Variants in XRCC5 observed in about 807,000 individuals in gnomAD.
The protein encoded by XRCC5 is DNA repair protein Ku80.
Under a neutral mutation model 95.7 loss-of-function variants are expected in XRCC5, and 12 were observed. The observed-to-expected ratio is 0.13, with a 90% CI of 0.08 to 0.20. The LOEUF is 0.20. XRCC5 is among the 10% of genes least tolerant of loss of function. The pLI is 1.00. For synonymous variants in XRCC5, 281 were observed against 290.3 expected, an observed-to-expected ratio of 0.97 and a Z score of 0.33; for missense variants, 595 against 873.9, an observed-to-expected ratio of 0.68 and a Z score of 4.02.
chr2:216,200,481 ATATT>A (rs1032942600), intron 19 of XRCC5, among the ~76,000 whole-genome samples: 1 of 152,186 alleles, frequency 6.6e-6, no homozygotes, highest in Non-Finnish European at 1.5e-5. Context: ...GTGTTACCCA[ATATT>A]TATTTAAGGC....
intron 8 of XRCC5, 150 bp downstream of exon 8, chr2:216,127,824 C>T: frequency 1.2e-6 from 1 of 841,830 alleles, no homozygotes; most frequent in African/African-American, 1.7e-5. Flanking sequence ...GACCCTAGGT[C>T]CTTTAGCTCA....
At position 216,130,914 on chromosome 2, in the gene XRCC5, T is replaced by G; in HGVS notation, c.977T>G (p.Val326Gly). ...AGTGATATAGTTCCTTTCTCTAAAG[T>G]GGATGAGGAACAAATGAAATATAAA... ...YGSDIVPFSK[V>G]DEEQMKYKSE... is the part of the protein sequence containing the mutation. The change falls in exon 9 of 21, where the codon GTG (valine) becomes GGG (glycine). Residue 326 changes from valine to glycine, a missense_variant. Around this residue, in one of 2 missense-constraint regions of XRCC5, gnomAD observed 286 missense variants for 491.1 expected, o/e 0.58. Transcript: ENST00000392132. The G allele has an allele frequency of 6.2e-7, 1 of 1,613,330 alleles. No homozygotes were observed. Among genetic ancestry groups the G allele is most frequent in the Non-Finnish European group, 8.5e-7 (1 of 1,179,772 alleles).
intron 16 of XRCC5, among the ~76,000 whole-genome samples, chr2:216,187,821 A>ACACTCTCTCT (rs1312215177): frequency 6.3e-5 from 3 of 47,950 alleles, no homozygotes; most frequent in African/African-American, 1.0e-4. Context: ...ACACACACAC[A>ACACTCTCTCT]CTCTCTCTCT....
chr2:216,176,796 A>G (rs1429749965), intron 16 of XRCC5, among the ~76,000 whole-genome samples: 2 of 152,184 alleles, frequency 1.3e-5, no homozygotes, highest in African/African-American at 4.8e-5. Flanking sequence ...GTGGAAGCTT[A>G]GATGATTGAT....
chr2:216,109,636 T>C (rs573017111), intron 1 of XRCC5, among the ~76,000 whole-genome samples, 179 bp downstream of exon 1: 2 of 152,168 alleles, frequency 1.3e-5, no homozygotes, highest in East Asian at 3.9e-4. Flanking sequence ...AGCTGGAGAT[T>C]TGGGGCTCCA....
At chr2:216,160,188 C>A in intron 15 of XRCC5, 27 bp downstream of exon 15, 1 of 1,516,014 alleles carries the variant, frequency 6.6e-7, no homozygotes, top group Non-Finnish European at 9.0e-7. Flanking sequence ...AAGTGCGCTT[C>A]CCCCTTTGCA....
At chr2:216,133,538 T>C (rs1345607422) in intron 10 of XRCC5, among the ~76,000 whole-genome samples, 1 of 152,338 alleles carries the variant, frequency 6.6e-6, no homozygotes, top group East Asian at 1.9e-4. Flanking sequence ...GATCACTTCA[T>C]GAGACTTGCT....
Position 216,156,353 on chromosome 2 carries a change from C to T in XRCC5, c.1671-3715C>T, listed in dbSNP as rs1574469927. The T allele has an allele frequency of 2.6e-5, 18 of 698,886 alleles. No individual in the cohort carries two copies. The East Asian group carries it at 5.2e-4, about 20-fold the overall frequency. 43.3% of individuals were successfully genotyped at this position (698,886 alleles called of 1,614,324 possible). A position where few individuals can be genotyped will look rare whatever the true frequency, so the allele number is the denominator to read the frequency against. Reference sequence around the variant, plus strand: ...AGGTACCTTTCTGAAACAGTCTCTTCTGCTGTTGTGGGGTCTTTGGGCAAC... The same window carrying T: ...AGGTACCTTTCTGAAACAGTCTCTTTTGCTGTTGTGGGGTCTTTGGGCAAC... On this transcript the variant is annotated intron_variant, in intron 14 of 20. Transcript: ENST00000392132.
chr2:216,134,776 CAT>C (rs2106011169), intron 10 of XRCC5, among the ~76,000 whole-genome samples: 1 of 151,856 alleles, frequency 6.6e-6, no homozygotes, highest in South Asian at 2.1e-4. Flanking sequence ...CTGTCAAAGA[CAT>C]ATAAATAAAA....
intron 19 of XRCC5, among the ~76,000 whole-genome samples, chr2:216,200,867 C>T (rs893983303): frequency 6.6e-6 from 1 of 152,148 alleles, no homozygotes; most frequent in African/African-American, 2.4e-5. Flanking sequence ...TAATGATGGA[C>T]ATTTGCTTGT....
chr2:216,202,132 C>G (rs866238086), intron 19 of XRCC5, among the ~76,000 whole-genome samples: 2 of 152,142 alleles, frequency 1.3e-5, no homozygotes, highest in African/African-American at 4.8e-5. Context: ...AGGGGTCATA[C>G]AAGATGTAGT....
At chr2:216,116,548 C>A in intron 2 of XRCC5, 111 bp from the exon 3 acceptor site, 1 of 1,202,256 alleles carries the variant, frequency 8.3e-7, no homozygotes, top group Non-Finnish European at 1.2e-6. Flanking sequence ...CTATATGGCC[C>A]CAGGGACCTG....
intron 14 of XRCC5, among the ~76,000 whole-genome samples, chr2:216,152,466 G>A (rs555092816): frequency 2.0e-5 from 3 of 151,938 alleles, no homozygotes; most frequent in Admixed American, 1.3e-4. Flanking sequence ...AAAAATTTGG[G>A]TGGGAACACA....
At chr2:216,178,893 C>T (rs1689328948) in intron 16 of XRCC5, among the ~76,000 whole-genome samples, 1 of 152,134 alleles carries the variant, frequency 6.6e-6, no homozygotes, top group East Asian at 1.9e-4. Flanking sequence ...AGGAATAAAC[C>T]AGTGAGGCCT....
intron 19 of XRCC5, among the ~76,000 whole-genome samples, chr2:216,197,147 G>T (rs1559264493): frequency 6.6e-6 from 1 of 152,152 alleles, no homozygotes; most frequent in East Asian, 1.9e-4. Flanking sequence ...TGCAAATTGT[G>T]CAAGGCTTGT....
chr2:216,193,999 TCCC>T (rs900433652), intron 18 of XRCC5, among the ~76,000 whole-genome samples: 1 of 152,202 alleles, frequency 6.6e-6, no homozygotes, highest in Admixed American at 6.5e-5. Context: ...GTTTTCTTCC[TCCC>T]TAGTCCTCTG....
chr2:216,203,947 G>T (rs928688384), intron 19 of XRCC5: 16 of 187,214 alleles, frequency 8.5e-5, no homozygotes, highest in Non-Finnish European at 1.7e-4. Context: ...ATACTAGTTT[G>T]GGGTGGTTGG....
chr2:216,184,978 A>G (rs995340866), intron 16 of XRCC5, among the ~76,000 whole-genome samples: 1 of 151,884 alleles, frequency 6.6e-6, no homozygotes, highest in Non-Finnish European at 1.5e-5. Flanking sequence ...AAGACTTCCT[A>G]CTGGGTTCGG....
chr2:216,193,920 AT>A (rs1316545114), intron 18 of XRCC5, among the ~76,000 whole-genome samples: 1 of 152,226 alleles, frequency 6.6e-6, no homozygotes, highest in Non-Finnish European at 1.5e-5. Context: ...TCTACCCTTG[AT>A]TTGCTCTTAC....
Sources: gnomAD v4.1 joint callset for allele counts (sites outside exome capture counted in the v4.1 genomes callset) on GRCh38, gnomAD v4.1.1 for gene constraint, gnomAD v4.1.1 regional missense constraint, MANE v1.5 for transcripts, NCBI Gene and HGNC (gene_info 2026-07-23, HGNC 2026-07-21) for gene names.